MAGI1: variants seen among roughly 807,000 people sequenced by gnomAD.
MAGI1 encodes membrane associated guanylate kinase, WW and PDZ domain containing 1.
MAGI1 carries 58 observed loss-of-function variants against 139.9 expected under a neutral mutation model. That is an observed-to-expected ratio of 0.41 (90% confidence interval 0.34 to 0.52). The LOEUF is 0.52. Among genes scored for constraint, MAGI1 ranks in the 20% least tolerant of loss-of-function variants. The pLI is 0.12. For missense variants in MAGI1, 1,874 were observed against 1,901.6 expected, an observed-to-expected ratio of 0.99 and a Z score of 0.27; for synonymous variants, 812 against 737.9, an observed-to-expected ratio of 1.10 and a Z score of -1.63.
intron 1 of MAGI1, among the ~76,000 whole-genome samples, chr3:66,033,737 A>G (rs1458456929): frequency 6.6e-6 from 1 of 152,214 alleles, no homozygotes; most frequent in Admixed American, 6.5e-5. Context: ...ACACTGCCAC[A>G]CATACACAAA....
intron 2 of MAGI1, among the ~76,000 whole-genome samples, chr3:65,588,742 G>A (rs573683053): frequency 5.9e-5 from 9 of 152,238 alleles, no homozygotes; most frequent in Admixed American, 5.2e-4. Flanking sequence ...GGAAAGAAGT[G>A]TTAATTATTG....
chr3:65,620,933 G>T (rs2107051080), intron 2 of MAGI1, among the ~76,000 whole-genome samples: 1 of 152,186 alleles, frequency 6.6e-6, no homozygotes, highest in South Asian at 2.1e-4. Flanking sequence ...GAATGCCTGA[G>T]ATTAGTTCTG....
chr3:65,852,502 ATTT>A (rs1340104660), intron 1 of MAGI1, among the ~76,000 whole-genome samples: 1 of 137,448 alleles, frequency 7.3e-6, no homozygotes, highest in Non-Finnish European at 1.6e-5. Context: ...CTTGACACCA[ATTT>A]TTTTTTTTTT....
At chr3:65,454,421 T>A (rs561091503) in intron 5 of MAGI1, among the ~76,000 whole-genome samples, 5 of 151,442 alleles carry the variant, frequency 3.3e-5, no homozygotes, top group Non-Finnish European at 5.9e-5. Flanking sequence ...TGGGAGATAT[T>A]CCTAATGCTA....
At chr3:65,993,530 G>A (rs1169208618) in intron 1 of MAGI1, among the ~76,000 whole-genome samples, 1 of 152,188 alleles carries the variant, frequency 6.6e-6, no homozygotes, top group Non-Finnish European at 1.5e-5. Flanking sequence ...CTAATTGGGT[G>A]CCAAGCACTG....
intron 5 of MAGI1, among the ~76,000 whole-genome samples, chr3:65,469,247 C>T (rs963916611): frequency 5.3e-5 from 8 of 151,974 alleles, no homozygotes; most frequent in African/African-American, 1.9e-4. Context: ...TCCTCCCCTT[C>T]GTTATTGTTG....
intron 1 of MAGI1, among the ~76,000 whole-genome samples, chr3:65,783,365 A>C (rs1431717056): frequency 6.6e-6 from 1 of 152,166 alleles, no homozygotes; most frequent in Non-Finnish European, 1.5e-5. Context: ...AAGGCAAAAT[A>C]AGGCAAGGCA....
At chr3:65,702,721 C>T (rs1247888778) in intron 1 of MAGI1, among the ~76,000 whole-genome samples, 1 of 152,114 alleles carries the variant, frequency 6.6e-6, no homozygotes. Context: ...TGTACTACAA[C>T]CACTGGTACT....
At chr3:65,701,436 A>T (rs2089600114) in intron 1 of MAGI1, among the ~76,000 whole-genome samples, 3 of 152,190 alleles carry the variant, frequency 2.0e-5, no homozygotes, top group Admixed American at 2.0e-4. Flanking sequence ...TATTTTTAGT[A>T]GAGACGGGGT....
At chr3:65,542,025 T>A (rs2079255221) in intron 2 of MAGI1, among the ~76,000 whole-genome samples, 2 of 152,134 alleles carry the variant, frequency 1.3e-5, no homozygotes, top group Admixed American at 1.3e-4. Context: ...GAAAACCCCA[T>A]CCTCTCAGCC....
chr3:65,522,572 T>A (rs1429783131), intron 2 of MAGI1, among the ~76,000 whole-genome samples: 1 of 152,094 alleles, frequency 6.6e-6, no homozygotes, highest in Non-Finnish European at 1.5e-5. Flanking sequence ...CGGTTTAAAG[T>A]CCCTCCAGTA....
At chr3:65,841,609 G>C (rs1036626556) in intron 1 of MAGI1, among the ~76,000 whole-genome samples, 22 of 151,882 alleles carry the variant, frequency 1.4e-4, no homozygotes, top group Non-Finnish European at 1.6e-4. Context: ...TGTATTTTGA[G>C]TAGAGACGAG....
intron 1 of MAGI1, among the ~76,000 whole-genome samples, chr3:65,988,775 T>C (rs1445341481): frequency 6.6e-6 from 1 of 152,194 alleles, no homozygotes; most frequent in East Asian, 1.9e-4. Context: ...TTTTTAAGAA[T>C]TATCACACCT....
intron 5 of MAGI1, among the ~76,000 whole-genome samples, chr3:65,457,310 T>C (rs934976179): frequency 2.0e-5 from 3 of 152,232 alleles, no homozygotes; most frequent in African/African-American, 7.2e-5. Flanking sequence ...TTGCTGTATA[T>C]ATCAATAATC....
chr3:65,881,599 C>T (rs1259519211), intron 1 of MAGI1, among the ~76,000 whole-genome samples: 1 of 151,640 alleles, frequency 6.6e-6, no homozygotes, highest in Non-Finnish European at 1.5e-5. Flanking sequence ...TCTACTCCAG[C>T]TTGGGTGACA....
chr3:65,770,251 G>A (rs2037841719), intron 1 of MAGI1, among the ~76,000 whole-genome samples: 2 of 152,164 alleles, frequency 1.3e-5, no homozygotes, highest in African/African-American at 4.8e-5. Context: ...TAGTTCCAAA[G>A]ACTGTCTCAT....
Position 65,353,833 on chromosome 3 carries a change from A to G in MAGI1, c.*2545T>C, listed in dbSNP as rs145800109. The G allele has an allele frequency of 7.1e-4, 108 of 152,342 alleles. No homozygotes were observed. Among genetic ancestry groups the G allele is most frequent in the African/African-American group, 2.3e-3 (95 of 41,574 alleles). 9.4% of individuals were successfully genotyped at this position (152,342 alleles called of 1,614,324 possible). ...AGGTTACAGCAGTTCAAAGAAAACT[A>G]TATCTTTCTGCATAATGCATAGTCC... On this transcript the variant is annotated 3_prime_UTR_variant, in exon 23 of 23. Coordinates refer to ENST00000402939, the MANE Select transcript of MAGI1 (RefSeq NM_001033057.2).
intron 1 of MAGI1, among the ~76,000 whole-genome samples, chr3:65,713,959 C>T (rs1037852077): frequency 6.6e-6 from 1 of 152,094 alleles, no homozygotes; most frequent in African/African-American, 2.4e-5. Context: ...ATTATAAGAA[C>T]CACGAAGGGG....
chr3:65,876,111 T>C (rs1476892182), intron 1 of MAGI1, among the ~76,000 whole-genome samples: 1 of 147,474 alleles, frequency 6.8e-6, no homozygotes, highest in Non-Finnish European at 1.5e-5. Flanking sequence ...GAGATGAGGA[T>C]GAAGAAAATT....
Sources: allele counts gnomAD v4.1 joint callset (sites outside exome capture counted in the v4.1 genomes callset), GRCh38; gene constraint gnomAD v4.1.1; transcripts MANE v1.5; gene names NCBI Gene and HGNC (gene_info 2026-07-23, HGNC 2026-07-21).